Variants in SLCO5A1 observed in about 807,000 individuals in gnomAD.
SLCO5A1 encodes organic anion transporter polypeptide-related protein 4.
SLCO5A1 carries 39 observed loss-of-function variants against 65.1 expected under a neutral mutation model. The observed-to-expected ratio is 0.60, with a 90% CI of 0.46 to 0.78. The LOEUF is 0.78. Ranked by LOEUF, SLCO5A1 falls within the 30% of genes least tolerant of loss-of-function variation. The pLI is 0.00. For missense variants in SLCO5A1, 1,029 were observed against 1,069.4 expected (o/e 0.96, Z 0.53); for synonymous variants, 438 against 415.7 (o/e 1.05, Z -0.65).
chr8:69,753,500 G>A (rs1451160884), intron 4 of SLCO5A1, among the ~76,000 whole-genome samples: 1 of 152,174 alleles, frequency 6.6e-6, no homozygotes, highest in Non-Finnish European at 1.5e-5. Flanking sequence ...TGATAGCATT[G>A]TCTACACTGC....
chr8:69,738,342 G>A, intron 4 of SLCO5A1, 138 bp from the exon 5 acceptor site: 1 of 758,436 alleles, frequency 1.3e-6, no homozygotes, highest in Non-Finnish European at 2.0e-6. Flanking sequence ...AGAAAGATCT[G>A]ATGACGATTA....
intron 2 of SLCO5A1, among the ~76,000 whole-genome samples, chr8:69,828,322 G>T (rs1311755971): frequency 6.6e-6 from 1 of 151,836 alleles, no homozygotes; most frequent in Non-Finnish European, 1.5e-5. Flanking sequence ...GAAAAGAAGG[G>T]CCGGGTGCAG....
At chr8:69,757,444 C>T (rs932975697) in intron 3 of SLCO5A1, among the ~76,000 whole-genome samples, 4 of 151,990 alleles carry the variant, frequency 2.6e-5, no homozygotes, top group African/African-American at 4.8e-5. Flanking sequence ...ATCCCAGCAC[C>T]GAGATGGGTG....
chr8:69,730,350 A>G (rs1816277213), intron 5 of SLCO5A1, among the ~76,000 whole-genome samples: 1 of 152,184 alleles, frequency 6.6e-6, no homozygotes, highest in Admixed American at 6.5e-5. Context: ...AAACAATATA[A>G]CTCTATAGGG....
intron 3 of SLCO5A1, among the ~76,000 whole-genome samples, chr8:69,760,762 A>G (rs1394138375): frequency 2.6e-5 from 4 of 152,216 alleles, no homozygotes; most frequent in Non-Finnish European, 5.9e-5. Context: ...GACTGCAAGA[A>G]CTCAAACGCA....
intron 2 of SLCO5A1, among the ~76,000 whole-genome samples, chr8:69,775,748 T>G (rs932485645): frequency 6.6e-6 from 1 of 152,180 alleles, no homozygotes; most frequent in Admixed American, 6.6e-5. Flanking sequence ...ACACAGTGGC[T>G]CATGCTTATA....
chr8:69,754,032 A>C (rs932575577), intron 4 of SLCO5A1, among the ~76,000 whole-genome samples: 3 of 151,476 alleles, frequency 2.0e-5, no homozygotes, highest in African/African-American at 7.3e-5. Flanking sequence ...AAAAAGAATC[A>C]AAGATTATTG....
intron 5 of SLCO5A1, among the ~76,000 whole-genome samples, chr8:69,712,531 A>G (rs1384632366): frequency 6.6e-6 from 1 of 152,192 alleles, no homozygotes; most frequent in Admixed American, 6.5e-5. Context: ...AAAGGAGAGA[A>G]CAAAATTAGG....
intron 2 of SLCO5A1, among the ~76,000 whole-genome samples, chr8:69,825,967 A>G (rs912069279): frequency 1.9e-4 from 29 of 152,344 alleles, no homozygotes; most frequent in African/African-American, 6.7e-4. Flanking sequence ...GCCCTCAGAA[A>G]TAACGCTGCA....
chr8:69,738,250 G>A (rs1482376734), intron 4 of SLCO5A1, 46 bp from the exon 5 acceptor site: 2 of 1,496,224 alleles, frequency 1.3e-6, no homozygotes, highest in South Asian at 1.4e-5. Context: ...AACAATGGAT[G>A]GAAAACAAAA....
At chr8:69,710,676 C>T (rs974695069) in intron 5 of SLCO5A1, among the ~76,000 whole-genome samples, 2 of 152,180 alleles carry the variant, frequency 1.3e-5, no homozygotes, top group African/African-American at 2.4e-5. Flanking sequence ...GATAACAAAT[C>T]TCCGTGCTGG....
At chr8:69,705,493 GA>G (rs1814930373) in intron 5 of SLCO5A1, among the ~76,000 whole-genome samples, 1 of 152,112 alleles carries the variant, frequency 6.6e-6, no homozygotes, top group African/African-American at 2.4e-5. Context: ...AGTAAAACTT[GA>G]ATAAGTTCTT....
chr8:69,728,226 G>A (rs984104013), intron 5 of SLCO5A1, among the ~76,000 whole-genome samples: 3 of 152,008 alleles, frequency 2.0e-5, no homozygotes, highest in African/African-American at 7.3e-5. Context: ...TATTGCATAC[G>A]TAATACATGT....
In SLCO5A1 at chr8:69,667,978, T is replaced by C. The variant is rs908536401; in HGVS notation, c.*4891A>G. Reference sequence around the variant, plus strand: ...TACATGCAGCCACTTAGCAGTGAAATACTGTGAATTCAGTGGCGCTTTTTA... The same window carrying C: ...TACATGCAGCCACTTAGCAGTGAAACACTGTGAATTCAGTGGCGCTTTTTA... On this transcript the variant is annotated 3_prime_UTR_variant, in exon 10 of 10. Coordinates refer to ENST00000260126, the MANE Select transcript of SLCO5A1 (RefSeq NM_030958.3). 3 of 152,234 alleles carry C rather than the reference T, an allele frequency of 2.0e-5. No homozygotes were observed. The highest frequency in any genetic ancestry group is 4.4e-5 in the Non-Finnish European group (3 of 68,044). The allele number at this position is 152,234 out of a possible 1,614,324, so 9.4% of individuals were successfully genotyped here.
chr8:69,693,683 A>T (rs1284287833), intron 6 of SLCO5A1, among the ~76,000 whole-genome samples: 1 of 152,258 alleles, frequency 6.6e-6, no homozygotes, highest in African/African-American at 2.4e-5. Flanking sequence ...AAGGAGAAAA[A>T]TACCATTAAA....
chr8:69,755,505 C>T lies in SLCO5A1; in HGVS notation c.1177G>A (p.Asp393Asn), dbSNP rs749034973. ...KFSVDAVSDDDVLKEKSNNSE... is the reference protein window; with the variant it reads ...KFSVDAVSDDNVLKEKSNNSE... ...TTGTTTGATTTCTCCTTCAGAACAT[C>T]GTCATCACTAACAGCATCAACAGAA... The change falls in exon 4 of 10, where the codon GAT becomes AAT. Residue 393 changes from aspartate (D) to asparagine (N), a missense_variant. This residue lies in a region of SLCO5A1 where 647 missense variants were observed against 647.5 expected (regional missense o/e 1.00). Coordinates refer to ENST00000260126, the MANE Select transcript of SLCO5A1 (RefSeq NM_030958.3). 6.2e-6 allele frequency: 10 copies of T among 1,613,972 alleles called. No individual in the cohort carries two copies. In the South Asian group the frequency reaches 7.7e-5, roughly 12 times the overall value.
chr8:69,683,515 T>C (rs751074930), intron 6 of SLCO5A1, among the ~76,000 whole-genome samples: 2 of 152,028 alleles, frequency 1.3e-5, no homozygotes, highest in Non-Finnish European at 2.9e-5. Context: ...TACATTGCAC[T>C]CAATAGGTAA....
At chr8:69,707,610 C>T (rs776520023) in intron 5 of SLCO5A1, among the ~76,000 whole-genome samples, 7 of 152,116 alleles carry the variant, frequency 4.6e-5, no homozygotes, top group East Asian at 1.9e-4. Context: ...TTCTGAGCTG[C>T]GGCTGACAGG....
chr8:69,709,743 T>C (rs907553239), intron 5 of SLCO5A1, among the ~76,000 whole-genome samples: 5 of 152,128 alleles, frequency 3.3e-5, no homozygotes, highest in South Asian at 2.1e-4. Flanking sequence ...GGAAGAGATA[T>C]TGAGAATTTT....
Sources: gnomAD v4.1 joint callset for allele counts (sites outside exome capture counted in the v4.1 genomes callset) on GRCh38, gnomAD v4.1.1 for gene constraint, gnomAD v4.1.1 regional missense constraint, MANE v1.5 for transcripts, NCBI Gene and HGNC (gene_info 2026-07-23, HGNC 2026-07-21) for gene names.